The following SOX5 variants were observed in gnomAD, a reference collection of about 807,000 sequenced individuals.
SOX5 encodes SRY-box transcription factor 5.
SOX5 carries 9 observed loss-of-function variants against 92.0 expected under a neutral mutation model. The observed-to-expected ratio is 0.10, with a 90% CI of 0.06 to 0.17. The LOEUF (loss-of-function observed/expected upper bound fraction) is 0.17, where lower values mean the gene tolerates loss of function less well. SOX5 is among the 10% of genes least tolerant of loss of function. The pLI is 1.00. For synonymous variants in SOX5, 344 were observed against 336.3 expected (o/e 1.02, Z -0.25); for missense variants, 642 against 944.5 (o/e 0.68, Z 4.20).
intron 4 of SOX5, among the ~76,000 whole-genome samples, chr12:24,142,968 G>A (rs925234449): frequency 2.0e-5 from 3 of 151,968 alleles, no homozygotes; most frequent in African/African-American, 7.3e-5. Flanking sequence ...GCAGGGAAAA[G>A]AGCCACTCAA....
chr12:23,785,224 C>T (rs1285786635), intron 3 of SOX5, among the ~76,000 whole-genome samples: 3 of 152,202 alleles, frequency 2.0e-5, no homozygotes, highest in Non-Finnish European at 4.4e-5. Context: ...TAAGAGGTGA[C>T]TGTTCCCCAA....
At chr12:23,806,855 C>T (rs1357220890) in intron 3 of SOX5, among the ~76,000 whole-genome samples, 1 of 152,150 alleles carries the variant, frequency 6.6e-6, no homozygotes, top group Non-Finnish European at 1.5e-5. Flanking sequence ...GCAGGATCAG[C>T]ATCTTTGGGC....
At chr12:24,097,567 T>C (rs1945581957) in intron 4 of SOX5, among the ~76,000 whole-genome samples, 2 of 151,896 alleles carry the variant, frequency 1.3e-5, no homozygotes, top group Non-Finnish European at 2.9e-5. Flanking sequence ...AAGGTAAGGG[T>C]CATCTTCATT....
intron 2 of SOX5, among the ~76,000 whole-genome samples, chr12:24,304,295 G>A (rs1948325850): frequency 6.6e-6 from 1 of 152,100 alleles, no homozygotes; most frequent in Admixed American, 6.5e-5. Flanking sequence ...TTAGAATATC[G>A]GATATGTTGG....
At chr12:23,603,421 T>C (rs938598570) in intron 9 of SOX5, among the ~76,000 whole-genome samples, 28 of 135,166 alleles carry the variant, frequency 2.1e-4, no homozygotes, top group African/African-American at 7.3e-4. Context: ...TCTACATAAT[T>C]CAGCAAAATA....
rs376102424 is a variant in SOX5 at position 24,486,109 on chromosome 12, A to AT, written c.-251+76219dup. On this transcript the variant is annotated intron_variant, in intron 1 of 4. Transcript: ENST00000446891. ...CTGGAACTACAGGCACTAATTTTTA[A>AT]TTTTTTTTGTAGAGACAGGGTCTTT... Among the ~76,000 whole-genome samples, 700 of 151,596 alleles carry AT rather than the reference A, an allele frequency of 4.6e-3. 3 individuals carry two copies. The highest frequency in any genetic ancestry group is 0.015 in the African/African-American group (639 of 41,340).
chr12:23,822,506 T>G (rs763965135), intron 3 of SOX5, among the ~76,000 whole-genome samples: 20 of 152,144 alleles, frequency 1.3e-4, no homozygotes, highest in Non-Finnish European at 2.1e-4. Flanking sequence ...GATTTCCATT[T>G]TTTGCATTTG....
chr12:23,906,514 C>T (rs919023509), intron 1 of SOX5, among the ~76,000 whole-genome samples: 1 of 152,172 alleles, frequency 6.6e-6, no homozygotes, highest in African/African-American at 2.4e-5. Context: ...CAGCGCCAGA[C>T]TGGAGTCATA....
chr12:23,961,900 C>T (rs1946983610), intron 4 of SOX5, among the ~76,000 whole-genome samples: 1 of 152,084 alleles, frequency 6.6e-6, no homozygotes, highest in Admixed American at 6.6e-5. Flanking sequence ...TTAAATATTA[C>T]TTCCTCAAAG....
intron 1 of SOX5, among the ~76,000 whole-genome samples, chr12:23,930,816 C>T (rs1402715068): frequency 2.0e-5 from 3 of 151,688 alleles, no homozygotes; most frequent in Admixed American, 6.6e-5. Context: ...ACAGGCCACA[C>T]TCCTGGCCCA....
intron 4 of SOX5, among the ~76,000 whole-genome samples, chr12:23,741,372 T>C (rs1419429183): frequency 2.6e-5 from 4 of 152,142 alleles, no homozygotes; most frequent in Admixed American, 2.6e-4. Flanking sequence ...ATAAGTAAAT[T>C]TTAAAAATAA....
intron 3 of SOX5, among the ~76,000 whole-genome samples, chr12:24,245,661 T>C (rs1180061172): frequency 2.0e-5 from 3 of 152,162 alleles, no homozygotes; most frequent in African/African-American, 4.8e-5. Flanking sequence ...TGTATATTAT[T>C]ATGGCCCATG....
At chr12:23,852,075 A>T (rs1038330399) in intron 2 of SOX5, among the ~76,000 whole-genome samples, 1 of 152,152 alleles carries the variant, frequency 6.6e-6, no homozygotes, top group Admixed American at 6.6e-5. Flanking sequence ...TTTTCATATG[A>T]TTGAAATTCT....
intron 1 of SOX5, among the ~76,000 whole-genome samples, chr12:24,505,714 C>T (rs183565748): frequency 1.6e-4 from 24 of 152,284 alleles, no homozygotes; most frequent in Admixed American, 1.0e-3. Flanking sequence ...ACTTCTGAAA[C>T]CCATACGCAC....
intron 1 of SOX5, among the ~76,000 whole-genome samples, chr12:23,908,340 ACTGT>A (rs763887349): frequency 1.1e-4 from 17 of 152,188 alleles, no homozygotes; most frequent in Admixed American, 4.6e-4. Context: ...TTGAAAACTG[ACTGT>A]CTAAGTAGTC....
intron 4 of SOX5, among the ~76,000 whole-genome samples, chr12:24,027,066 A>T (rs1436396332): frequency 6.6e-6 from 1 of 152,054 alleles, no homozygotes; most frequent in Non-Finnish European, 1.5e-5. Flanking sequence ...GATAAAACAA[A>T]TAGACACTAT....
chr12:24,020,548 C>T (rs185793871), intron 4 of SOX5, among the ~76,000 whole-genome samples: 1 of 152,122 alleles, frequency 6.6e-6, no homozygotes, highest in Non-Finnish European at 1.5e-5. Flanking sequence ...TGCTATCATT[C>T]GGCCTTAATT....
chr12:23,661,237 T>C (rs1198504153), intron 7 of SOX5, among the ~76,000 whole-genome samples: 5 of 152,188 alleles, frequency 3.3e-5, no homozygotes, highest in Admixed American at 6.5e-5. Flanking sequence ...ATGGTTACAA[T>C]TATATTACTG....
intron 6 of SOX5, among the ~76,000 whole-genome samples, chr12:23,697,562 T>G (rs1046124119): frequency 4.6e-5 from 7 of 152,194 alleles, no homozygotes; most frequent in Non-Finnish European, 8.8e-5. Context: ...GATTATTTAT[T>G]TTTTTAAAGG....
Sources: gnomAD v4.1 joint callset for allele counts (sites outside exome capture counted in the v4.1 genomes callset) on GRCh38, gnomAD v4.1.1 for gene constraint, MANE v1.5 for transcripts, NCBI Gene and HGNC (gene_info 2026-07-23, HGNC 2026-07-21) for gene names.